REEP1: variants seen among roughly 807,000 people sequenced by gnomAD.
The protein encoded by REEP1 is receptor accessory protein 1.
In REEP1, 22 loss-of-function variants were observed where a neutral mutation model predicts 40.3. That is an observed-to-expected ratio of 0.55 (90% CI 0.39 to 0.78). The LOEUF (loss-of-function observed/expected upper bound fraction) is 0.78. Among genes scored for constraint, REEP1 ranks in the 30% least tolerant of loss-of-function variants. The pLI is 0.00. For synonymous variants in REEP1, 116 were observed against 139.2 expected (o/e 0.83, Z 1.17); for missense variants, 280 against 361.1 (o/e 0.78, Z 1.82).
chr2:86,231,709 C>G (rs1358403525), intron 6 of REEP1, among the ~76,000 whole-genome samples: 2 of 152,164 alleles, frequency 1.3e-5, no homozygotes, highest in Non-Finnish European at 2.9e-5. Context: ...CCCCCACCCC[C>G]CCACCATCAG....
chr2:86,302,919 G>T (rs1335529523), intron 1 of REEP1, among the ~76,000 whole-genome samples: 1 of 152,078 alleles, frequency 6.6e-6, no homozygotes, highest in Admixed American at 6.6e-5. Context: ...GTACTGTCAT[G>T]ATACAAAGAT....
At chr2:86,333,481 T>C (rs997819367) in intron 1 of REEP1, among the ~76,000 whole-genome samples, 2 of 152,236 alleles carry the variant, frequency 1.3e-5, no homozygotes, top group Non-Finnish European at 2.9e-5. Flanking sequence ...CCATTAGTTA[T>C]TCAGAAAATT....
intron 5 of REEP1, among the ~76,000 whole-genome samples, chr2:86,239,005 A>G (rs1337984556): frequency 6.6e-6 from 1 of 152,060 alleles, no homozygotes; most frequent in East Asian, 1.9e-4. Flanking sequence ...TGCCAGTAGA[A>G]GGCAGGGGTA....
At chr2:86,219,940 C>T (rs549846556) in intron 8 of REEP1, 30 bp downstream of exon 8, 6 of 1,231,940 alleles carry the variant, frequency 4.9e-6, no homozygotes, top group South Asian at 8.2e-5. Context: ...GACAAACACA[C>T]TCCAACCCAC....
At chr2:86,288,039 T>TTTTTTTTTTTTTTTTTTTTTTTTTTAA in intron 1 of REEP1, among the ~76,000 whole-genome samples, 1 of 151,534 alleles carries the variant, frequency 6.6e-6, no homozygotes, top group African/African-American at 2.4e-5. Context: ...ATTATTTTTT[T>TTTTTTTTTTTTTTTTTTTTTTTTTTAA]GAGATGGAGT....
chr2:86,332,757 G>A (rs1056879711), intron 1 of REEP1, among the ~76,000 whole-genome samples: 10 of 152,162 alleles, frequency 6.6e-5, no homozygotes, highest in African/African-American at 1.9e-4. Context: ...AAAGAAACAG[G>A]GCAGCTCAAC....
Position 86,316,019 on chromosome 2 carries a change from G to T in REEP1, c.32+21460C>A, listed in dbSNP as rs773207844. On this transcript the variant is annotated intron_variant, in intron 1 of 8. Transcript: ENST00000538924. The stretch of plus-strand genomic sequence containing the variant: ...GAGGGCTTCAAGGCTCCTAGAAGCC[G>T]CCAGCAGCCAGGGGAGCCAGGCTTA... 3.7e-4 allele frequency among the ~76,000 whole-genome samples: 56 copies of T among 152,052 alleles called. 1 individual carries two copies. The highest frequency in any genetic ancestry group is 1.0e-4 in the Non-Finnish European group (7 of 68,014).
At chr2:86,219,911 C>T (rs1236679188) in intron 8 of REEP1, 59 bp downstream of exon 8, 33 of 1,216,238 alleles carry the variant, frequency 2.7e-5, no homozygotes, top group Non-Finnish European at 3.3e-5. Context: ...GACCCCCAAT[C>T]TCCAGGGCAT....
intron 2 of REEP1, among the ~76,000 whole-genome samples, chr2:86,274,840 T>C (rs1677657315): frequency 6.6e-6 from 1 of 152,136 alleles, no homozygotes; most frequent in African/African-American, 2.4e-5. Flanking sequence ...AAAGATGCTG[T>C]GACCCTCAGC....
At chr2:86,330,450 T>C (rs931922412) in intron 1 of REEP1, among the ~76,000 whole-genome samples, 2 of 149,896 alleles carry the variant, frequency 1.3e-5, no homozygotes, top group African/African-American at 5.0e-5. Flanking sequence ...TGTGTGTGTG[T>C]GTGTGTGTGT....
rs183017201 is a variant in REEP1 at position 86,240,586 on chromosome 2, A to C, written c.418-7784T>G. On this transcript the variant is annotated intron_variant, in intron 5 of 8. Coordinates refer to ENST00000538924, the MANE Select transcript of REEP1 (RefSeq NM_001371279.1). ...CACCTGGGAAACGGTGAGTGAACCC[A>C]CCTGGGGAGAAGAGGCTTTGGTGCC... Among the ~76,000 whole-genome samples, 13 of 152,310 alleles carry C rather than the reference A, an allele frequency of 8.5e-5. No homozygotes were observed. In the East Asian group the frequency reaches 2.5e-3, roughly 29 times the overall value.
intron 1 of REEP1, among the ~76,000 whole-genome samples, chr2:86,295,657 A>G (rs1678942063): frequency 6.6e-6 from 1 of 152,156 alleles, no homozygotes; most frequent in Non-Finnish European, 1.5e-5. Context: ...CACCTGCCTC[A>G]GCCTCCCGAG....
At chr2:86,299,024 T>G (rs572369491) in intron 1 of REEP1, among the ~76,000 whole-genome samples, 2 of 152,318 alleles carry the variant, frequency 1.3e-5, no homozygotes, top group South Asian at 4.1e-4. Context: ...CTGACTCTAT[T>G]CTTGATAGAG....
chr2:86,233,571 G>C (rs1675143037), intron 5 of REEP1, among the ~76,000 whole-genome samples: 1 of 152,140 alleles, frequency 6.6e-6, no homozygotes, highest in Non-Finnish European at 1.5e-5. Context: ...CTCACTGTCT[G>C]GATGAGAGAA....
At chr2:86,255,458 TAGCAC>T (rs1558892343) in intron 3 of REEP1, among the ~76,000 whole-genome samples, 5 of 152,158 alleles carry the variant, frequency 3.3e-5, no homozygotes, top group Non-Finnish European at 7.3e-5. Context: ...ACGGTGCAGA[TAGCAC>T]ATAATTCTGG....
rs1347951847 is a variant in REEP1, at chr2:86,214,760, G to A, written c.*2279C>T. On this transcript the variant is annotated 3_prime_UTR_variant, in exon 9 of 9. Coordinates refer to ENST00000538924, the MANE Select transcript of REEP1 (RefSeq NM_001371279.1). ...CTAGTCAACACTTGAAGGAAAAATA[G>A]TTACATTTACATTAAGACAGAGTTT... 6.6e-6 allele frequency: 1 copy of A among 152,626 alleles called. No homozygotes were observed. Among genetic ancestry groups the A allele is most frequent in the Non-Finnish European group, 1.5e-5 (1 of 68,036 alleles). The allele number at this position is 152,626 out of a possible 1,614,324, so 9.5% of individuals were successfully genotyped here. A position where few individuals can be genotyped will look rare whatever the true frequency, so the allele number is the denominator to read the frequency against.
intron 1 of REEP1, among the ~76,000 whole-genome samples, chr2:86,311,132 C>T (rs890742420): frequency 4.6e-5 from 7 of 152,080 alleles, no homozygotes; most frequent in Admixed American, 4.6e-4. Flanking sequence ...CTGAAGTTCC[C>T]CTAGGACTAA....
rs114537478 is a variant in REEP1, at chr2:86,227,653, C to T, written c.596-255G>A. Among the ~76,000 whole-genome samples the T allele has an allele frequency of 5.9e-3, 906 of 152,308 alleles. 17 individuals carry two copies. Among genetic ancestry groups the T allele is most frequent in the African/African-American group, 0.02 (840 of 41,564 alleles). The stretch of plus-strand genomic sequence containing the variant: ...TGCACCCTGCAGCCCTAGGGAAGGC[C>T]GGAGACAGAGTCAAAGTTCCCTCTG... On this transcript the variant is annotated intron_variant, in intron 6 of 8. Transcript: ENST00000538924.
chr2:86,298,717 C>G (rs909838437), intron 1 of REEP1, among the ~76,000 whole-genome samples: 2 of 152,224 alleles, frequency 1.3e-5, no homozygotes, highest in Non-Finnish European at 2.9e-5. Context: ...GTGCGCAGAG[C>G]AAAGCTGTTA....
Sources: allele counts gnomAD v4.1 joint callset (sites outside exome capture counted in the v4.1 genomes callset), GRCh38; gene constraint gnomAD v4.1.1; transcripts MANE v1.5; gene names NCBI Gene and HGNC (gene_info 2026-07-23, HGNC 2026-07-21).